EEFSEC: variants seen among roughly 807,000 people sequenced by gnomAD.
The protein encoded by EEFSEC is selenocysteine-specific elongation factor.
EEFSEC carries 43 observed loss-of-function variants against 42.1 expected under a neutral mutation model. That is an observed-to-expected ratio of 1.02 (90% confidence interval 0.80 to 1.32). EEFSEC has a LOEUF of 1.32. EEFSEC is among the 40% of genes most tolerant of loss of function. The pLI is 0.00. For missense variants in EEFSEC, 745 were observed against 803.6 expected (o/e 0.93, Z 0.88); for synonymous variants, 354 against 339.1 (o/e 1.04, Z -0.48).
chr3:128,320,724 C>T (rs149784720), intron 4 of EEFSEC, among the ~76,000 whole-genome samples: 4 of 152,332 alleles, frequency 2.6e-5, no homozygotes, highest in East Asian at 3.9e-4. Context: ...ACCATTCTCT[C>T]GAGGAGGTCC....
chr3:128,358,257 A>G lies in EEFSEC; in HGVS notation c.1484A>G (p.Lys495Arg), dbSNP rs1463642394. ...DYSVIGRSLF[K>R]KETNIQLFVG... is the part of the protein sequence containing the mutation. ...AGTGTGATCGGCCGCTCCCTGTTCA[A>G]AAAGGAAACCAACATCCAGCTCTTC... Residue 495 changes from lysine to arginine, a missense_variant, in exon 6 of 7, where the codon AAA (lysine) becomes AGA (arginine). By Grantham distance (26) the Lys-to-Arg change is conservative. Coordinates refer to ENST00000254730, the MANE Select transcript of EEFSEC (RefSeq NM_021937.5). 5 of 1,614,078 alleles carry G rather than the reference A, an allele frequency of 3.1e-6. No individual in the cohort carries two copies. Among genetic ancestry groups the G allele is most frequent in the African/African-American group, 2.7e-5 (2 of 74,928 alleles).
chr3:128,317,195 C>T lies in EEFSEC; in HGVS notation c.787-24038C>T, dbSNP rs781360647. ...CAGCAAGGGCCCCGCAGAAGCAGTG[C>T]GTGCTGCTGGCTGGGGGACGACAGC... On this transcript the variant is annotated intron_variant, in intron 4 of 6. Transcript: ENST00000254730. The surrounding 1 kb of genome is among the most constrained non-coding windows in gnomAD (Gnocchi z 4.1). 5.3e-5 allele frequency among the ~76,000 whole-genome samples: 8 copies of T among 152,156 alleles called. No homozygotes were observed. Among genetic ancestry groups the T allele is most frequent in the Non-Finnish European group, 8.8e-5 (6 of 68,024 alleles).
chr3:128,342,003 C>A, intron 5 of EEFSEC, 114 bp downstream of exon 5: 1 of 1,375,378 alleles, frequency 7.3e-7, no homozygotes. Flanking sequence ...CCTTCTGGTG[C>A]CAACCTCTGT....
chr3:128,365,423 C>A (rs1288334561), intron 6 of EEFSEC, among the ~76,000 whole-genome samples: 1 of 152,200 alleles, frequency 6.6e-6, no homozygotes, highest in East Asian at 1.9e-4. Flanking sequence ...CCAGTCTGTG[C>A]TTCAGCTTCT....
chr3:128,277,607 A>G (rs2066482485), intron 4 of EEFSEC, among the ~76,000 whole-genome samples: 1 of 152,142 alleles, frequency 6.6e-6, no homozygotes, highest in Non-Finnish European at 1.5e-5. Context: ...CAGCATAGCT[A>G]CCTTAGCTTG....
Position 128,250,061 on chromosome 3 carries a change from T to C in EEFSEC, c.524+3018T>C, listed in dbSNP as rs2066168440. On this transcript the variant is annotated intron_variant, in intron 2 of 6. Transcript: ENST00000254730. ...TTTGTGTATCTTTTTTTGAGAAATA[T>C]CTATTCAAGTCCTTTGTACATTTTT... Among the ~76,000 whole-genome samples the C allele has an allele frequency of 2.0e-5, 3 of 152,200 alleles. No homozygotes were observed. In the South Asian group the frequency reaches 6.2e-4, roughly 31 times the overall value.
chr3:128,216,386 A>C (rs900243605), intron 1 of EEFSEC, among the ~76,000 whole-genome samples: 1 of 152,208 alleles, frequency 6.6e-6, no homozygotes, highest in Admixed American at 6.5e-5. Context: ...TGGTTGTAGA[A>C]GCCGAAACTA....
intron 1 of EEFSEC, among the ~76,000 whole-genome samples, chr3:128,204,169 A>G (rs2065669370): frequency 6.6e-6 from 1 of 152,216 alleles, no homozygotes; most frequent in Non-Finnish European, 1.5e-5. Flanking sequence ...CTAGCACCAT[A>G]CTACTTGAAT....
intron 4 of EEFSEC, among the ~76,000 whole-genome samples, chr3:128,302,939 T>C (rs2066786172): frequency 6.6e-6 from 1 of 152,194 alleles, no homozygotes; most frequent in Non-Finnish European, 1.5e-5. Flanking sequence ...TACCATATTA[T>C]TTAACCAGTA....
rs76142399 is a variant in EEFSEC, at chr3:128,240,781, C to G, written c.317-6055C>G. On this transcript the variant is annotated intron_variant, in intron 1 of 6. Coordinates refer to ENST00000254730, the MANE Select transcript of EEFSEC (RefSeq NM_021937.5). ...GAGTCAGGGTTGGGACAGCTGCAAC[C>G]TGTGTTGGATGGAGCCTGATCAGTC... Among the ~76,000 whole-genome samples, 973 of 152,336 alleles carry G rather than the reference C, an allele frequency of 6.4e-3. 13 individuals carry two copies. Among genetic ancestry groups the G allele is most frequent in the African/African-American group, 0.022 (924 of 41,578 alleles).
chr3:128,210,266 A>AT (rs1234766328), intron 1 of EEFSEC, among the ~76,000 whole-genome samples: 1 of 152,232 alleles, frequency 6.6e-6, no homozygotes, highest in African/African-American at 2.4e-5. Context: ...TGGAGAGGTC[A>AT]TAGCAGCTCA....
intron 6 of EEFSEC, 55 bp downstream of exon 6, chr3:128,358,428 T>C: frequency 6.3e-7 from 1 of 1,588,992 alleles, no homozygotes. Context: ...CACAGAGAGA[T>C]GGCAGAGGTG....
At chr3:128,388,508 G>A (rs573728178) in intron 6 of EEFSEC, among the ~76,000 whole-genome samples, 9 of 152,318 alleles carry the variant, frequency 5.9e-5, no homozygotes, top group African/African-American at 1.4e-4. Context: ...CTGAGCCCCC[G>A]GCTGCCTGTG....
intron 1 of EEFSEC, among the ~76,000 whole-genome samples, chr3:128,210,263 G>A (rs556605579): frequency 6.6e-6 from 1 of 152,346 alleles, no homozygotes; most frequent in African/African-American, 2.4e-5. Context: ...TCCTGGAGAG[G>A]TCATAGCAGC....
intron 1 of EEFSEC, among the ~76,000 whole-genome samples, chr3:128,221,506 A>G (rs2065860871): frequency 6.6e-6 from 1 of 152,214 alleles, no homozygotes; most frequent in Non-Finnish European, 1.5e-5. Context: ...CAGGCCTCAT[A>G]TCTTCATCAC....
chr3:128,153,670 T>C lies in EEFSEC; in HGVS notation c.163T>C (p.Cys55Arg). The C allele has an allele frequency of 6.3e-7, 1 of 1,596,424 alleles. No individual in the cohort carries two copies. The highest frequency in any genetic ancestry group is 1.1e-5 in the South Asian group (1 of 90,146). Residue 55 changes from cysteine to arginine, a missense_variant, in exon 1 of 7, where the codon TGC (cysteine) becomes CGC (arginine). Cys to Arg is a radical substitution (Grantham distance 180). Transcript: ENST00000254730. ...CATCACGCTCGATCTGGGCTTCTCG[T>C]GCTTCTCGGTGCCGCTGCCCGCGCG... ...RGITLDLGFS[C>R]FSVPLPARLR...
rs2066301894 is a variant in EEFSEC, at chr3:128,262,011, G to T, written c.525-117G>T. ...GTGCTGTCTTCTAGGCTTGGTTGAT[G>T]TGGGGAGAGAAGAGGATGCTCACTG... is the stretch of plus-strand genomic sequence containing the variant. On this transcript the variant is annotated intron_variant, in intron 2 of 6. Coordinates refer to ENST00000254730, the MANE Select transcript of EEFSEC (RefSeq NM_021937.5). 21 of 911,402 alleles carry T rather than the reference G, an allele frequency of 2.3e-5. No homozygotes were observed. In the Admixed American group the frequency reaches 3.4e-4, roughly 15 times the overall value. 56.5% of individuals were successfully genotyped at this position (911,402 alleles called of 1,614,324 possible).
Position 128,258,319 on chromosome 3 carries a change from G to A in EEFSEC, c.525-3809G>A, listed in dbSNP as rs138226753. On this transcript the variant is annotated intron_variant, in intron 2 of 6. Coordinates refer to ENST00000254730, the MANE Select transcript of EEFSEC (RefSeq NM_021937.5). ...AGTGGATGCTGGAGGTCATTCTGGG[G>A]ATCCCAGCACCGTGGGAAGGACAGG... Among the ~76,000 whole-genome samples the A allele has an allele frequency of 5.3e-3, 800 of 152,284 alleles. 2 individuals are homozygous for A. Among genetic ancestry groups the A allele is most frequent in the African/African-American group, 0.019 (770 of 41,562 alleles).
At chr3:128,359,610 A>G (rs1332309745) in intron 6 of EEFSEC, among the ~76,000 whole-genome samples, 1 of 152,184 alleles carries the variant, frequency 6.6e-6, no homozygotes, top group Non-Finnish European at 1.5e-5. Context: ...ATTCTGTTGT[A>G]TTTCATAATA....
Sources: gnomAD v4.1 joint callset for allele counts (sites outside exome capture counted in the v4.1 genomes callset) on GRCh38, gnomAD v4.1.1 for gene constraint, Gnocchi (gnomAD v3.1) non-coding constraint, MANE v1.5 for transcripts, NCBI Gene and HGNC (gene_info 2026-07-23, HGNC 2026-07-21) for gene names.